Variants in ADAMTS14 observed in about 807,000 individuals in gnomAD.
ADAMTS14 encodes A disintegrin and metalloproteinase with thrombospondin motifs 14.
In ADAMTS14, 100 loss-of-function variants were observed where a neutral mutation model predicts 128.6. The observed-to-expected ratio is 0.78, with a 90% CI of 0.66 to 0.92. ADAMTS14 has a LOEUF of 0.92. ADAMTS14 is among the 40% of genes least tolerant of loss of function. The pLI is 0.00. For synonymous variants in ADAMTS14, 665 were observed against 653.8 expected (o/e 1.02, Z -0.26); for missense variants, 1,562 against 1,658.6 (o/e 0.94, Z 1.01).
chr10:70,723,616 G>A (rs1328952123), intron 4 of ADAMTS14, among the ~76,000 whole-genome samples: 1 of 152,208 alleles, frequency 6.6e-6, no homozygotes, highest in Non-Finnish European at 1.5e-5. Flanking sequence ...GGCGCTTGTG[G>A]GCTGTGCCAG....
intron 2 of ADAMTS14, among the ~76,000 whole-genome samples, chr10:70,687,365 C>T (rs1436449041): frequency 4.2e-4 from 30 of 70,732 alleles, no homozygotes; most frequent in South Asian, 8.1e-4. Flanking sequence ...CCGGACGGGG[C>T]GGCTGGCCGG....
At position 70,753,870 on chromosome 10, in the gene ADAMTS14, C is replaced by T. The variant is rs1374467299; in HGVS notation, c.2800C>T (p.Gln934Ter). The T allele has an allele frequency of 3.1e-6, 5 of 1,593,398 alleles. No homozygotes were observed. The highest frequency in any genetic ancestry group is 1.8e-5 in the Admixed American group (1 of 56,376). ...GCTGGGGGTGCAGACACGGGGGATA[C>T]AGTGCCTGCTGCCCCTCTCCAATGG... ...GKLGVQTRGI[Q>*]CLLPLSNGTH... is the part of the protein sequence containing the mutation. The change falls in exon 19 of 22, where the codon CAG becomes TAG. Residue 934 changes from glutamine (Q) to a stop codon, truncating the protein, a stop_gained. Transcript: ENST00000373207. LOFTEE classifies it high-confidence loss of function.
At chr10:70,730,468 G>T (rs1841601452) in intron 6 of ADAMTS14, among the ~76,000 whole-genome samples, 1 of 152,320 alleles carries the variant, frequency 6.6e-6, no homozygotes, top group East Asian at 1.9e-4. Flanking sequence ...GGTGGAGGCT[G>T]CAGGCAGCTG....
intron 2 of ADAMTS14, among the ~76,000 whole-genome samples, chr10:70,692,294 AC>A (rs879385228): frequency 3.9e-4 from 59 of 152,062 alleles, no homozygotes; most frequent in African/African-American, 1.4e-3. Flanking sequence ...GGAAAAGACC[AC>A]CACCTGCTGT....
chr10:70,711,283 G>A (rs907629263), intron 4 of ADAMTS14, among the ~76,000 whole-genome samples: 6 of 152,236 alleles, frequency 3.9e-5, no homozygotes, highest in Non-Finnish European at 2.9e-5. Flanking sequence ...CATGGCTGGA[G>A]ACAAAAGGAG....
intron 2 of ADAMTS14, among the ~76,000 whole-genome samples, chr10:70,686,865 G>T (rs1839976608): frequency 1.3e-5 from 1 of 77,274 alleles, no homozygotes; most frequent in African/African-American, 4.3e-5. Flanking sequence ...GGGGCGGCTG[G>T]CTGGGCGGGG....
rs7074569 is a variant in ADAMTS14 at position 70,761,200 on chromosome 10, A to G, written c.*347A>G. On this transcript the variant is annotated 3_prime_UTR_variant, in exon 22 of 22. Transcript: ENST00000373207. The stretch of plus-strand genomic sequence containing the variant: ...TCTGAATCCCGGCTGGTCTGTAGCT[A>G]GAAGCTGTCAGGGCTGCCTGCCTTC... 164,622 of 220,102 alleles carry G rather than the reference A, an allele frequency of 0.75. 61,750 individuals carry two copies. Among genetic ancestry groups the G allele is most frequent in the Admixed American group, 0.83 (16,044 of 19,222 alleles). The allele number at this position is 220,102 out of a possible 1,614,324, so 13.6% of individuals were successfully genotyped here.
At chr10:70,713,972 T>C (rs1011761878) in intron 4 of ADAMTS14, among the ~76,000 whole-genome samples, 5 of 152,154 alleles carry the variant, frequency 3.3e-5, no homozygotes, top group Non-Finnish European at 7.3e-5. Flanking sequence ...GACAGGAGGA[T>C]TGCTTGAGGC....
At chr10:70,725,531 T>C (rs1158385156) in intron 4 of ADAMTS14, among the ~76,000 whole-genome samples, 2 of 152,140 alleles carry the variant, frequency 1.3e-5, no homozygotes, top group Non-Finnish European at 1.5e-5. Context: ...GCCCGCCCAC[T>C]TTCTGGTTCA....
intron 12 of ADAMTS14, 68 bp downstream of exon 12, chr10:70,741,230 C>T: frequency 6.5e-7 from 1 of 1,547,558 alleles, no homozygotes; most frequent in Non-Finnish European, 8.8e-7. Flanking sequence ...TGTGCCCAGG[C>T]AGGGCCTCCT....
intron 2 of ADAMTS14, among the ~76,000 whole-genome samples, chr10:70,686,975 A>G (rs1589262152): frequency 4.2e-5 from 3 of 72,204 alleles, no homozygotes; most frequent in African/African-American, 9.7e-5. Flanking sequence ...GGCCGGGCAG[A>G]GGGGCTCCTC....
chr10:70,673,705 G>A (rs1839554412), intron 1 of ADAMTS14, among the ~76,000 whole-genome samples: 1 of 152,146 alleles, frequency 6.6e-6, no homozygotes, highest in African/African-American at 2.4e-5. Context: ...GAGACGAGAG[G>A]TAGAGCTGTG....
chr10:70,755,932 A>G (rs1842470971), intron 19 of ADAMTS14, among the ~76,000 whole-genome samples: 1 of 152,236 alleles, frequency 6.6e-6, no homozygotes, highest in South Asian at 2.1e-4. Context: ...TTTGATCACA[A>G]TGCTGTTTAT....
chr10:70,682,148 G>A (rs1589257749), intron 2 of ADAMTS14, among the ~76,000 whole-genome samples: 1 of 152,164 alleles, frequency 6.6e-6, no homozygotes, highest in Non-Finnish European at 1.5e-5. Flanking sequence ...ATAAGTCTGG[G>A]CCCCTGGGTT....
In ADAMTS14 at chr10:70,674,662, C is replaced by G; in HGVS notation, c.189C>G (p.Ala63=). The G allele has an allele frequency of 6.2e-7, 1 of 1,613,690 alleles. No individual in the cohort carries two copies. The highest frequency in any genetic ancestry group is 8.5e-7 in the Non-Finnish European group (1 of 1,180,038). The change falls in exon 2 of 22, where the codon GCC becomes GCG. Residue 63 remains alanine (A), a synonymous_variant. Transcript: ENST00000373207. The part of the protein sequence containing the change: ...LSHVVSGPAA[A]SAGSMVVDTP... ...ACGTGGTGTCTGGCCCAGCAGCAGCCTCTGCAGGGAGCATGGTAGTGGACA... is the reference window on the plus strand; with the variant it reads ...ACGTGGTGTCTGGCCCAGCAGCAGCGTCTGCAGGGAGCATGGTAGTGGACA...
At position 70,702,416 on chromosome 10, in the gene ADAMTS14, G is replaced by T. The variant is rs1840524066; in HGVS notation, c.627G>T (p.Arg209=). The T allele has an allele frequency of 6.2e-7, 1 of 1,613,894 alleles. No individual in the cohort carries two copies. Among genetic ancestry groups the T allele is most frequent in the South Asian group, 1.1e-5 (1 of 91,036 alleles). ...ASGRTHVVYR[R]EAVQQEWAEP... ...GGAGGACACATGTGGTGTACCGCCG[G>T]GAGGCCGTCCAGCAGGAGTGGGCAG... Residue 209 remains arginine (R), a synonymous_variant, in exon 3 of 22, where the codon CGG becomes CGT. Transcript: ENST00000373207.
chr10:70,706,355 C>T (rs1007000915), intron 3 of ADAMTS14, among the ~76,000 whole-genome samples: 2 of 152,246 alleles, frequency 1.3e-5, no homozygotes, highest in African/African-American at 4.8e-5. Flanking sequence ...CTGTGACAGG[C>T]CTGGCAGGGA....
At chr10:70,695,626 A>G (rs2132577210) in intron 2 of ADAMTS14, among the ~76,000 whole-genome samples, 1 of 152,326 alleles carries the variant, frequency 6.6e-6, no homozygotes, top group South Asian at 2.1e-4. Flanking sequence ...ATTTTGGGGT[A>G]GAGCAACTGG....
chr10:70,683,822 C>A (rs891869452), intron 2 of ADAMTS14, among the ~76,000 whole-genome samples: 2 of 152,184 alleles, frequency 1.3e-5, no homozygotes, highest in East Asian at 3.9e-4. Flanking sequence ...GTAGGCCGCG[C>A]GGCCTCAGTT....
Sources: gnomAD v4.1 joint callset for allele counts (sites outside exome capture counted in the v4.1 genomes callset) on GRCh38, gnomAD v4.1.1 for gene constraint, MANE v1.5 for transcripts, NCBI Gene and HGNC (gene_info 2026-07-23, HGNC 2026-07-21) for gene names.